UGT1A9: variants seen among roughly 807,000 people sequenced by gnomAD.
UGT1A9 encodes the protein UDP glucuronosyltransferase family 1 member A9, also known as UDP-glucuronosyltransferase 1A9.
Under a neutral mutation model 45.0 loss-of-function variants are expected in UGT1A9, and 35 were observed. The ratio of observed to expected loss-of-function variants is 0.78; its 90% CI spans 0.59 to 1.03. The LOEUF is 1.03. UGT1A9 is among the 50% of genes least tolerant of loss of function. The probability of loss-of-function intolerance (pLI) is 0.00; values close to 1 mark genes in which losing one functional copy is unlikely to be tolerated. For missense variants in UGT1A9, 687 were observed against 666.6 expected (o/e 1.03, Z -0.34); for synonymous variants, 278 against 250.6 (o/e 1.11, Z -1.03).
At chr2:233,738,451 G>A (rs1425081316) in intron 1 of UGT1A9, among the ~76,000 whole-genome samples, 1 of 152,222 alleles carries the variant, frequency 6.6e-6, no homozygotes, top group Non-Finnish European at 1.5e-5. Context: ...AAGACAGGAA[G>A]ATGTGGGAAA....
rs563417082 is a variant in UGT1A9, at chr2:233,769,495, G to C, written c.1295+1056G>C. ...TGTGTGTGTGCGTGTGTTTATGAGA[G>C]TGTCCATTGCTTTCTCCCATGGTTA... is the stretch of plus-strand genomic sequence containing the variant. On this transcript the variant is annotated intron_variant, in intron 4 of 4. Transcript: ENST00000354728. The surrounding 1 kb of genome is among the most constrained non-coding windows in gnomAD (Gnocchi z 4.4). 1.4e-5 allele frequency: 23 copies of C among 1,612,758 alleles called. No individual in the cohort carries two copies. The South Asian group carries it at 2.2e-4, about 15-fold the overall frequency.
intron 1 of UGT1A9, chr2:233,729,871 C>T: frequency 6.2e-7 from 1 of 1,613,870 alleles, no homozygotes; most frequent in Non-Finnish European, 8.5e-7. Flanking sequence ...GGTGGATATT[C>T]TCAGTCATGC....
At chr2:233,678,082 C>A (rs1480839937) in intron 1 of UGT1A9, among the ~76,000 whole-genome samples, 1 of 152,124 alleles carries the variant, frequency 6.6e-6, no homozygotes, top group Non-Finnish European at 1.5e-5. Flanking sequence ...ACACCAAATA[C>A]CATTGTTTTC....
chr2:233,693,738 C>T (rs781371157), intron 1 of UGT1A9: 5 of 1,614,170 alleles, frequency 3.1e-6, no homozygotes, highest in Non-Finnish European at 3.4e-6. Context: ...GATATAATCA[C>T]CTTATATCAG....
intron 3 of UGT1A9, 80 bp from the exon 4 acceptor site, chr2:233,768,140 A>G (rs573022476): frequency 9.8e-5 from 158 of 1,609,884 alleles, no homozygotes; most frequent in Non-Finnish European, 1.2e-4. Context: ...GAGTCTTTGG[A>G]GTGTTTTCAG....
rs537688236 is a variant in UGT1A9, at chr2:233,769,340, T to C, written c.1295+901T>C. On this transcript the variant is annotated intron_variant, in intron 4 of 4. Coordinates refer to ENST00000354728, the MANE Select transcript of UGT1A9 (RefSeq NM_021027.3). The surrounding 1 kb of genome is among the most constrained non-coding windows in gnomAD (Gnocchi z 4.4). The stretch of plus-strand genomic sequence containing the variant: ...CACTGGTAATAGGCTTATTAGAACC[T>C]TATGGGAAGAAGTGGTGGCCAGTGG... Among the ~76,000 whole-genome samples, 3 of 152,228 alleles carry C rather than the reference T, an allele frequency of 2.0e-5. No individual in the cohort carries two copies. The South Asian group carries it at 6.2e-4, about 32-fold the overall frequency.
At chr2:233,673,207 T>G (rs2074253732) in intron 1 of UGT1A9, among the ~76,000 whole-genome samples, 1 of 152,218 alleles carries the variant, frequency 6.6e-6, no homozygotes, top group African/African-American at 2.4e-5. Context: ...ACACCTATTT[T>G]GTTAAAATAA....
At chr2:233,730,412 A>G (rs2078028510) in intron 1 of UGT1A9, among the ~76,000 whole-genome samples, 1 of 152,204 alleles carries the variant, frequency 6.6e-6, no homozygotes, top group Non-Finnish European at 1.5e-5. Flanking sequence ...AATTGTTGAC[A>G]TGATAATTTT....
chr2:233,725,264 G>GGAGGCAGAGGCAGAGGAGGCA (rs2077414682), intron 1 of UGT1A9, among the ~76,000 whole-genome samples: 1 of 58,548 alleles, frequency 1.7e-5, no homozygotes, highest in Admixed American at 1.5e-4. Context: ...CAGAGGCAGA[G>GGAGGCAGAGGCAGAGGAGGCA]GAGGCAGAGG....
At chr2:233,710,803 G>A (rs771907333) in intron 1 of UGT1A9, among the ~76,000 whole-genome samples, 17 of 152,124 alleles carry the variant, frequency 1.1e-4, no homozygotes, top group Non-Finnish European at 2.1e-4. Flanking sequence ...TGTACCCCTC[G>A]TGCCCTATCT....
Position 233,672,228 on chromosome 2 carries a change from G to C in UGT1A9, c.294G>C (p.Trp98Cys). The change falls in exon 1 of 5, where the codon TGG (tryptophan) becomes TGC (cysteine). Residue 98 changes from tryptophan (W) to cysteine (C), a missense_variant. By Grantham distance (215) the Trp-to-Cys change is radical. Transcript: ENST00000354728. ...REFKAFAHAQ[W>C]KAQVRSIYSL... ...TCAAGGCTTTTGCCCATGCTCAATG[G>C]AAAGCACAAGTACGAAGTATATATT... The C allele has an allele frequency of 1.9e-6, 3 of 1,614,030 alleles. No individual in the cohort carries two copies. Among genetic ancestry groups the C allele is most frequent in the Non-Finnish European group, 2.5e-6 (3 of 1,179,868 alleles).
At chr2:233,673,902 C>T (rs2125504789) in intron 1 of UGT1A9, among the ~76,000 whole-genome samples, 1 of 152,212 alleles carries the variant, frequency 6.6e-6, no homozygotes, top group South Asian at 2.1e-4. Context: ...ACTTATTTTG[C>T]TTTGCTGGAG....
At chr2:233,751,284 C>T (rs2125910404) in intron 1 of UGT1A9, among the ~76,000 whole-genome samples, 1 of 152,008 alleles carries the variant, frequency 6.6e-6, no homozygotes, top group East Asian at 1.9e-4. Flanking sequence ...CCAGTTTCTC[C>T]CATTTGGAAT....
At position 233,738,235 on chromosome 2, in the gene UGT1A9, C is replaced by G. The variant is rs190187890; in HGVS notation, c.856-28799C>G. 1.4e-4 allele frequency among the ~76,000 whole-genome samples: 21 copies of G among 152,332 alleles called. No individual in the cohort carries two copies. In the East Asian group the frequency reaches 3.3e-3, roughly 24 times the overall value. ...GGATTATAAGTTTCCTGAGGCCCCTCCAGCCACATGGAACTGGAGTCAATT... is the reference window on the plus strand; with the variant it reads ...GGATTATAAGTTTCCTGAGGCCCCTGCAGCCACATGGAACTGGAGTCAATT... On this transcript the variant is annotated intron_variant, in intron 1 of 4. Coordinates refer to ENST00000354728, the MANE Select transcript of UGT1A9 (RefSeq NM_021027.3).
At position 233,769,521 on chromosome 2, in the gene UGT1A9, C is replaced by A. The variant is rs753723506; in HGVS notation, c.1295+1082C>A. The A allele has an allele frequency of 4.3e-6, 7 of 1,612,800 alleles. No homozygotes were observed. The East Asian group carries it at 1.6e-4, about 36-fold the overall frequency. On this transcript the variant is annotated intron_variant, in intron 4 of 4. Transcript: ENST00000354728. The surrounding 1 kb of genome is among the most constrained non-coding windows in gnomAD (Gnocchi z 4.4). ...TGTCCATTGCTTTCTCCCATGGTTACCTCCTTTAGAAAGAAGCAGCAGTCA... is the reference window on the plus strand; with the variant it reads ...TGTCCATTGCTTTCTCCCATGGTTAACTCCTTTAGAAAGAAGCAGCAGTCA...
At chr2:233,686,864 T>A (rs997443373) in intron 1 of UGT1A9, among the ~76,000 whole-genome samples, 2 of 152,226 alleles carry the variant, frequency 1.3e-5, no homozygotes, top group Admixed American at 6.5e-5. Flanking sequence ...GTCTTTCCTT[T>A]CTGTCACTTT....
At chr2:233,729,740 T>G (rs1312965874) in intron 1 of UGT1A9, 8 of 1,613,982 alleles carry the variant, frequency 5.0e-6, no homozygotes, top group Non-Finnish European at 6.8e-6. Flanking sequence ...TCAGACCACA[T>G]GACATTCATG....
At position 233,713,165 on chromosome 2, in the gene UGT1A9, G is replaced by A. The variant is rs28898601; in HGVS notation, c.855+40376G>A. The A allele has an allele frequency of 2.1e-4, 341 of 1,614,222 alleles. 2 individuals are homozygous for A. In the South Asian group the frequency reaches 3.5e-3, roughly 17 times the overall value. ...ACCTCCATGCGAGAGGCCACCAGGT[G>A]GTGGTCCTCACCCTGGAGGTGAATA... On this transcript the variant is annotated intron_variant, in intron 1 of 4. Transcript: ENST00000354728.
chr2:233,710,897 G>C (rs541299321), intron 1 of UGT1A9, among the ~76,000 whole-genome samples: 7 of 152,296 alleles, frequency 4.6e-5, no homozygotes, highest in African/African-American at 1.7e-4. Context: ...TGTAGGTTTG[G>C]GTGGAAAGAG....
Sources: gnomAD v4.1 joint callset for allele counts (sites outside exome capture counted in the v4.1 genomes callset) on GRCh38, gnomAD v4.1.1 for gene constraint, Gnocchi (gnomAD v3.1) non-coding constraint, MANE v1.5 for transcripts, NCBI Gene and HGNC (gene_info 2026-07-23, HGNC 2026-07-21) for gene names.